HPSE2: variants seen among roughly 807,000 people sequenced by gnomAD.
The protein encoded by HPSE2 is inactive heparanase-2.
A neutral mutation model predicts 60.5 loss-of-function variants in HPSE2; 38 were observed. The observed-to-expected ratio is 0.63, with a 90% CI of 0.48 to 0.82. The LOEUF is 0.82. Among genes scored for constraint, HPSE2 ranks in the 40% least tolerant of loss-of-function variants. The pLI is 0.00. For missense variants in HPSE2, 713 were observed against 740.4 expected (o/e 0.96, Z 0.43); for synonymous variants, 295 against 293.2 (o/e 1.01, Z -0.06).
chr10:98,707,128 T>C (rs1948567693), intron 5 of HPSE2, among the ~76,000 whole-genome samples: 1 of 151,056 alleles, frequency 6.6e-6, no homozygotes. Flanking sequence ...TTAGAAACAC[T>C]GTTGGTGTGC....
At chr10:98,792,962 T>C (rs1406109270) in intron 3 of HPSE2, among the ~76,000 whole-genome samples, 5 of 152,200 alleles carry the variant, frequency 3.3e-5, no homozygotes, top group Admixed American at 3.3e-4. Flanking sequence ...CTCCAGCATG[T>C]CTTAAATAAT....
In HPSE2 at chr10:98,793,064, G is replaced by A. The variant is rs75731540; in HGVS notation, c.611-49008C>T. ...GGCCAATGGGTTGTTCTAAAAGTAT[G>A]TGAATGGCCTCTTTCCACCAGCCTG... On this transcript the variant is annotated intron_variant, in intron 3 of 11. Coordinates refer to ENST00000370552, the MANE Select transcript of HPSE2 (RefSeq NM_021828.5). Among the ~76,000 whole-genome samples, 1,400 of 152,310 alleles carry A rather than the reference G, an allele frequency of 9.2e-3. 23 individuals are homozygous for A. The highest frequency in any genetic ancestry group is 0.031 in the African/African-American group (1,297 of 41,560).
intron 3 of HPSE2, among the ~76,000 whole-genome samples, chr10:98,833,156 A>C (rs911204233): frequency 3.9e-5 from 6 of 152,206 alleles, no homozygotes; most frequent in African/African-American, 1.4e-4. Flanking sequence ...AGAATTAGAC[A>C]GTTCTCCAAA....
At chr10:99,015,715 G>A (rs1338830876) in intron 3 of HPSE2, among the ~76,000 whole-genome samples, 1 of 152,140 alleles carries the variant, frequency 6.6e-6, no homozygotes, top group Non-Finnish European at 1.5e-5. Context: ...TATACCTAAT[G>A]TTAAAGGACG....
At chr10:98,645,644 A>G (rs1245818214) in intron 6 of HPSE2, among the ~76,000 whole-genome samples, 1 of 152,218 alleles carries the variant, frequency 6.6e-6, no homozygotes, top group Non-Finnish European at 1.5e-5. Flanking sequence ...AACTTTGGTC[A>G]TCCAGAATTC....
intron 2 of HPSE2, among the ~76,000 whole-genome samples, chr10:99,221,170 A>C (rs912488934): frequency 6.6e-6 from 1 of 152,118 alleles, no homozygotes; most frequent in African/African-American, 2.4e-5. Flanking sequence ...TTTGATGTAC[A>C]TATTATTTAA....
chr10:98,467,920 A>G (rs1489412242), intron 11 of HPSE2, among the ~76,000 whole-genome samples: 2 of 152,196 alleles, frequency 1.3e-5, no homozygotes, highest in African/African-American at 4.8e-5. Context: ...CGTGCAGAGA[A>G]CGGGGGGTCC....
chr10:98,810,070 C>T (rs1043629696), intron 3 of HPSE2, among the ~76,000 whole-genome samples: 3 of 152,106 alleles, frequency 2.0e-5, no homozygotes, highest in Non-Finnish European at 4.4e-5. Flanking sequence ...CCTACCACTC[C>T]CCTAAGGAGA....
chr10:99,170,067 G>A (rs73333741), intron 2 of HPSE2, among the ~76,000 whole-genome samples: 3,519 of 152,204 alleles, frequency 0.023, 128 homozygotes, highest in African/African-American at 0.08. Flanking sequence ...TCTGCAGACT[G>A]TACTTTGCTG....
intron 9 of HPSE2, among the ~76,000 whole-genome samples, chr10:98,526,734 T>C (rs1011381516): frequency 6.6e-6 from 1 of 152,178 alleles, no homozygotes; most frequent in Non-Finnish European, 1.5e-5. Context: ...GGAGAACATC[T>C]TAACCATAAA....
At chr10:99,255,940 G>A in the HPSE2 span, among the ~76,000 whole-genome samples, 5 of 152,264 alleles carry the variant, frequency 3.3e-5, no homozygotes, top group Admixed American at 2.6e-4. Flanking sequence ...AGTCATGGCT[G>A]GGGAGGCCTC....
At chr10:98,572,499 C>G (rs552436) in intron 9 of HPSE2, among the ~76,000 whole-genome samples, 130,251 of 152,102 alleles carry the variant, frequency 0.86, 56,834 homozygotes, top group East Asian at 1. Context: ...ATGTGCATTA[C>G]GGATGCCTGG....
At position 98,830,370 on chromosome 10, in the gene HPSE2, G is replaced by A. The variant is rs117771244; in HGVS notation, c.611-86314C>T. Among the ~76,000 whole-genome samples, 138 of 152,254 alleles carry A rather than the reference G, an allele frequency of 9.1e-4. 1 individual carries two copies. The East Asian group carries it at 0.016, about 18-fold the overall frequency. ...TGAAGAAAGGAACAAAGCAAGATAA[G>A]GAACAGGACTTAACTGGAAGGAGGG... On this transcript the variant is annotated intron_variant, in intron 3 of 11. Transcript: ENST00000370552.
At chr10:98,919,256 T>C (rs918322590) in intron 3 of HPSE2, among the ~76,000 whole-genome samples, 4 of 152,270 alleles carry the variant, frequency 2.6e-5, no homozygotes, top group African/African-American at 9.6e-5. Context: ...AGATGTGTAA[T>C]TGGTTCCATA....
chr10:98,666,828 G>T (rs1008023956), intron 6 of HPSE2, among the ~76,000 whole-genome samples: 2 of 152,018 alleles, frequency 1.3e-5, no homozygotes, highest in African/African-American at 4.8e-5. Flanking sequence ...TCATTAAGTA[G>T]TTAAAAAATT....
intron 9 of HPSE2, among the ~76,000 whole-genome samples, chr10:98,604,717 T>C (rs796610495): frequency 3.3e-5 from 5 of 152,296 alleles, no homozygotes; most frequent in African/African-American, 9.6e-5. Context: ...GCAGTTTTAT[T>C]TTAAAAGATT....
chr10:99,136,612 C>T (rs895804219), intron 3 of HPSE2, among the ~76,000 whole-genome samples: 2 of 152,084 alleles, frequency 1.3e-5, no homozygotes, highest in Non-Finnish European at 2.9e-5. Flanking sequence ...ACGTAATCCA[C>T]CACATGAACA....
At chr10:98,566,292 C>G (rs74156642) in intron 9 of HPSE2, among the ~76,000 whole-genome samples, 9,852 of 152,202 alleles carry the variant, frequency 0.065, 1,051 homozygotes, top group African/African-American at 0.22. Flanking sequence ...GCTCTGACTG[C>G]TCTTTTCACA....
intron 7 of HPSE2, 148 bp from the exon 8 acceptor site, chr10:98,620,856 G>A: frequency 1.4e-6 from 1 of 696,784 alleles, no homozygotes; most frequent in Non-Finnish European, 2.6e-6. Flanking sequence ...GATGCACCCA[G>A]TTCAGTGAGT....
Sources: gnomAD v4.1 joint callset for allele counts (sites outside exome capture counted in the v4.1 genomes callset) on GRCh38, gnomAD v4.1.1 for gene constraint, MANE v1.5 for transcripts, NCBI Gene and HGNC (gene_info 2026-07-23, HGNC 2026-07-21) for gene names.